GNA12: variants seen among roughly 807,000 people sequenced by gnomAD.
GNA12 encodes guanine nucleotide-binding protein subunit alpha-12.
Under a neutral mutation model 26.0 loss-of-function variants are expected in GNA12, and 9 were observed. That is an observed-to-expected ratio of 0.35 (90% CI 0.21 to 0.60). The LOEUF (loss-of-function observed/expected upper bound fraction) is 0.60. GNA12 is among the 20% of genes least tolerant of loss of function. The pLI is 0.78. For synonymous variants in GNA12, 264 were observed against 219.6 expected (o/e 1.20, Z -1.79); for missense variants, 405 against 525.8 (o/e 0.77, Z 2.25).
chr7:2,795,045 G>T lies in GNA12; in HGVS notation c.408C>A (p.Asn136Lys). 8 of 1,613,782 alleles carry T rather than the reference G, an allele frequency of 5.0e-6. No homozygotes were observed. The highest frequency in any genetic ancestry group is 6.8e-6 in the Non-Finnish European group (8 of 1,179,698). The change falls in exon 2 of 4, where the codon AAC becomes AAA. Residue 136 changes from asparagine to lysine, a missense_variant. Physicochemically the swap from Asn to Lys is moderately conservative, Grantham distance 94 (BLOSUM62 0). Coordinates refer to ENST00000275364, the MANE Select transcript of GNA12 (RefSeq NM_007353.3). ...CCGGCTCCACAGGCAGCCCCGCCTT[G>T]TTCTCGAAGGCCATCAGGAACATCC... ...KHGMFLMAFE[N>K]KAGLPVEPAT... is the part of the protein sequence containing the mutation.
rs34459624 is a variant in GNA12 at position 2,771,780 on chromosome 7, C to A, written c.525+23148G>T. Among the ~76,000 whole-genome samples, 1,092 of 152,294 alleles carry A rather than the reference C, an allele frequency of 7.2e-3. 8 individuals carry two copies. The highest frequency in any genetic ancestry group is 8.6e-3 in the Non-Finnish European group (586 of 68,032). ...TGTGTGGACAAATATTTTCACTTCT[C>A]TTTGGTAAATATCTACATGTGGAAG... is the stretch of plus-strand genomic sequence containing the variant. On this transcript the variant is annotated intron_variant, in intron 2 of 3. Transcript: ENST00000275364.
intron 1 of GNA12, among the ~76,000 whole-genome samples, chr7:2,820,437 G>T (rs1001252839): frequency 4.1e-5 from 6 of 146,082 alleles, no homozygotes; most frequent in African/African-American, 1.5e-4. Context: ...GGCCAGGCAT[G>T]GTGGCTCATG....
At chr7:2,836,940 C>T (rs1479642553) in intron 1 of GNA12, among the ~76,000 whole-genome samples, 1 of 152,126 alleles carries the variant, frequency 6.6e-6, no homozygotes, top group Non-Finnish European at 1.5e-5. Flanking sequence ...CAACAAAAAA[C>T]AAATACAAGA....
intron 2 of GNA12, among the ~76,000 whole-genome samples, chr7:2,741,677 C>T (rs1436648032): frequency 6.6e-6 from 1 of 151,994 alleles, no homozygotes; most frequent in African/African-American, 2.4e-5. Context: ...CTTTATCCTT[C>T]GCTCGCTCTC....
intron 1 of GNA12, 142 bp downstream of exon 1, chr7:2,843,711 G>A (rs1015898806): frequency 2.1e-5 from 9 of 433,820 alleles, no homozygotes; most frequent in Non-Finnish European, 3.3e-5. Flanking sequence ...GGTCGGGGGG[G>A]AGTGGGGTGC....
At chr7:2,769,959 G>C (rs1485754415) in intron 2 of GNA12, among the ~76,000 whole-genome samples, 1 of 151,984 alleles carries the variant, frequency 6.6e-6, no homozygotes, top group African/African-American at 2.4e-5. Context: ...TTAAATCATG[G>C]GGGGGCAAGT....
At chr7:2,763,191 A>ACACACACACACAC (rs1791652924) in intron 2 of GNA12, 6 of 222,722 alleles carry the variant, frequency 2.7e-5, no homozygotes, top group African/African-American at 1.4e-4. Flanking sequence ...AAGACACCCC[A>ACACACACACACAC]ACACACACAC....
chr7:2,770,852 C>T (rs1463888629), intron 2 of GNA12, among the ~76,000 whole-genome samples: 1 of 152,174 alleles, frequency 6.6e-6, no homozygotes, highest in Non-Finnish European at 1.5e-5. Flanking sequence ...ACTGGCACTG[C>T]CTAAGTGCAA....
chr7:2,763,155 C>A (rs1290005321), intron 2 of GNA12: 13 of 1,184,980 alleles, frequency 1.1e-5, no homozygotes, highest in Non-Finnish European at 1.3e-5. Flanking sequence ...GAATATTCTG[C>A]TGACAAGAGG....
At chr7:2,826,866 G>A (rs1416532795) in intron 1 of GNA12, among the ~76,000 whole-genome samples, 1 of 152,164 alleles carries the variant, frequency 6.6e-6, no homozygotes, top group Non-Finnish European at 1.5e-5. Context: ...CATAACGGTG[G>A]AGACATTTGT....
At chr7:2,774,699 T>C (rs909777723) in intron 2 of GNA12, among the ~76,000 whole-genome samples, 2 of 152,372 alleles carry the variant, frequency 1.3e-5, no homozygotes, top group South Asian at 4.1e-4. Flanking sequence ...CCTTTTGCAC[T>C]TACAGGTTTG....
chr7:2,772,126 G>A (rs965625610), intron 2 of GNA12, among the ~76,000 whole-genome samples: 5 of 152,204 alleles, frequency 3.3e-5, no homozygotes, highest in African/African-American at 1.2e-4. Flanking sequence ...TGAGTTTTGA[G>A]AGTTCTTTAC....
chr7:2,733,629 A>T (rs555745025), intron 2 of GNA12, 128 bp from the exon 3 acceptor site: 3 of 705,372 alleles, frequency 4.3e-6, no homozygotes, highest in African/African-American at 3.5e-5. Context: ...CAAAGGAAAA[A>T]GGCAGAGAGT....
At chr7:2,755,705 T>C (rs1791260938) in intron 2 of GNA12, among the ~76,000 whole-genome samples, 1 of 152,230 alleles carries the variant, frequency 6.6e-6, no homozygotes, top group African/African-American at 2.4e-5. Context: ...TCTTTTTCTC[T>C]GATATGTCTA....
At chr7:2,737,276 T>TTTGTTTTGTTTTG (rs1236862408) in intron 2 of GNA12, among the ~76,000 whole-genome samples, 2 of 53,328 alleles carry the variant, frequency 3.8e-5, no homozygotes, top group African/African-American at 1.3e-4. Flanking sequence ...TTTGTTTTGT[T>TTTGTTTTGTTTTG]TTTTTTTTTT....
intron 2 of GNA12, among the ~76,000 whole-genome samples, chr7:2,739,280 C>T (rs1197115758): frequency 6.6e-6 from 1 of 152,214 alleles, no homozygotes; most frequent in African/African-American, 2.4e-5. Context: ...TATCAGCCGC[C>T]ACTCCCACTG....
chr7:2,819,209 A>T (rs1469397288), intron 1 of GNA12, among the ~76,000 whole-genome samples: 7 of 152,186 alleles, frequency 4.6e-5, no homozygotes, highest in Non-Finnish European at 8.8e-5. Flanking sequence ...GGGAGGTCAG[A>T]AAAGAAACCG....
At chr7:2,776,156 T>C (rs924257679) in intron 2 of GNA12, among the ~76,000 whole-genome samples, 1 of 152,186 alleles carries the variant, frequency 6.6e-6, no homozygotes, top group African/African-American at 2.4e-5. Context: ...GGCTGGTCTC[T>C]AACTCCTAGG....
intron 1 of GNA12, among the ~76,000 whole-genome samples, chr7:2,830,162 G>A (rs1367585267): frequency 6.6e-6 from 1 of 152,220 alleles, no homozygotes; most frequent in Non-Finnish European, 1.5e-5. Context: ...GAATGTTTAG[G>A]GTTGCAATGG....
Sources: allele counts gnomAD v4.1 joint callset (sites outside exome capture counted in the v4.1 genomes callset), GRCh38; gene constraint gnomAD v4.1.1; transcripts MANE v1.5; gene names NCBI Gene and HGNC (gene_info 2026-07-23, HGNC 2026-07-21).